The following LHX8 variants were observed in gnomAD, a reference collection of about 807,000 sequenced individuals.
LHX8 encodes the protein LIM homeobox 8.
LHX8 carries 12 observed loss-of-function variants against 40.3 expected under a neutral mutation model. The observed-to-expected ratio is 0.30, with a 90% CI of 0.19 to 0.48. The LOEUF (loss-of-function observed/expected upper bound fraction) is 0.48. Among genes scored for constraint, LHX8 ranks in the 20% least tolerant of loss-of-function variants. The pLI is 0.99. For synonymous variants in LHX8, 179 were observed against 162.0 expected (o/e 1.10, Z -0.80); for missense variants, 344 against 433.7 (o/e 0.79, Z 1.84).
At chr1:75,140,460 G>A (rs1648281069) in intron 3 of LHX8, among the ~76,000 whole-genome samples, 1 of 152,094 alleles carries the variant, frequency 6.6e-6, no homozygotes, top group African/African-American at 2.4e-5. Context: ...AGCAATTTCT[G>A]TCCTGTATAG....
chr1:75,171,522 G>A, the LHX8 span, among the ~76,000 whole-genome samples: 3 of 151,900 alleles, frequency 2.0e-5, no homozygotes, highest in Non-Finnish European at 4.4e-5. Flanking sequence ...CAATATACTC[G>A]GTGTTGCAGG....
At position 75,134,929 on chromosome 1, in the gene LHX8, C is replaced by A; in HGVS notation, c.-38C>A. 1.0e-6 allele frequency: 1 copy of A among 985,352 alleles called. No individual in the cohort carries two copies. The allele number at this position is 985,352 out of a possible 1,614,324, so 61.0% of individuals were successfully genotyped here. On this transcript the variant is annotated 5_prime_UTR_variant, in exon 1 of 9. Coordinates refer to ENST00000356261, the MANE Select transcript of LHX8 (RefSeq NM_001256114.2). ...GACTGTAATTTGGGAGATGAAGCCT[C>A]GAGCCTAAGGCGCTCTCAGGTCCAT...
At chr1:75,172,937 C>T in the LHX8 span, among the ~76,000 whole-genome samples, 3 of 152,140 alleles carry the variant, frequency 2.0e-5, no homozygotes, top group African/African-American at 7.2e-5. Context: ...CATGACACTA[C>T]CTGCTTGTAC....
upstream of LHX8, chr1:75,131,075 C>A: frequency 2.5e-6 from 1 of 405,106 alleles, no homozygotes. Context: ...CTCGGGTCCG[C>A]AAGAGCAGGG....
intron 7 of LHX8, 62 bp downstream of exon 7, chr1:75,148,744 T>A (rs1323907170): frequency 8.7e-7 from 1 of 1,152,386 alleles, no homozygotes; most frequent in African/African-American, 1.6e-5. Flanking sequence ...GGTCTCCCTA[T>A]GTTGCCCAGA....
chr1:75,195,272 A>C, the LHX8 span, among the ~76,000 whole-genome samples: 1 of 152,118 alleles, frequency 6.6e-6, no homozygotes. Context: ...CTGAAAGGTG[A>C]AGTAACTTTC....
At chr1:75,148,750 CCAGA>C in intron 7 of LHX8, 68 bp downstream of exon 7, 1 of 1,075,254 alleles carries the variant, frequency 9.3e-7, no homozygotes, top group South Asian at 1.3e-5. Context: ...CCTATGTTGC[CCAGA>C]CTGATCTTGA....
chr1:75,140,987 G>A lies in LHX8; in HGVS notation c.240G>A (p.Val80=). Residue 80 remains valine, a splice_region_variant and synonymous_variant, in exon 4 of 9, where the codon GTG becomes GTA. Coordinates refer to ENST00000356261, the MANE Select transcript of LHX8 (RefSeq NM_001256114.2). ...LEIVDKYLLK[V]NDLCWHVRCL... is the part of the protein sequence containing the mutation. The stretch of plus-strand genomic sequence containing the variant: ...AATGGCTTCTCTTCCCTTCACAGGT[G>A]AATGACCTATGCTGGCATGTCCGGT... The A allele has an allele frequency of 6.2e-7, 1 of 1,613,524 alleles. No individual in the cohort carries two copies. The highest frequency in any genetic ancestry group is 1.7e-4 in the Middle Eastern group (1 of 6,058).
intron 6 of LHX8, among the ~76,000 whole-genome samples, chr1:75,145,258 G>T (rs1242802087): frequency 6.6e-6 from 1 of 152,072 alleles, no homozygotes; most frequent in Non-Finnish European, 1.5e-5. Context: ...ACTTCTGAAA[G>T]ACCTGGAAAA....
At chr1:75,193,127 C>A in the LHX8 span, among the ~76,000 whole-genome samples, 1 of 152,226 alleles carries the variant, frequency 6.6e-6, no homozygotes, top group East Asian at 1.9e-4. Context: ...CAGGCTCCTT[C>A]ATCTCTCTAT....
intron 7 of LHX8, among the ~76,000 whole-genome samples, chr1:75,152,380 A>G (rs1648634853): frequency 6.6e-6 from 1 of 152,206 alleles, no homozygotes; most frequent in Admixed American, 6.5e-5. Context: ...CTGCATCCAG[A>G]TACAATCACT....
In LHX8 at chr1:75,161,057, C is replaced by T. The variant is rs976323251; in HGVS notation, c.*162C>T. The T allele has an allele frequency of 6.6e-6, 4 of 605,920 alleles. No homozygotes were observed. Among genetic ancestry groups the T allele is most frequent in the South Asian group, 6.0e-5 (3 of 50,154 alleles). 37.5% of individuals were successfully genotyped at this position (605,920 alleles called of 1,614,324 possible). On this transcript the variant is annotated 3_prime_UTR_variant, in exon 9 of 9. Coordinates refer to ENST00000356261, the MANE Select transcript of LHX8 (RefSeq NM_001256114.2). The stretch of plus-strand genomic sequence containing the variant: ...ATGTATCTATAGTTGGCCTGCAAGA[C>T]ACTTTTATTAATTCTTCATTTTTTG...
rs979528660 is a variant in LHX8 at position 75,136,566 on chromosome 1, C to G, written c.-12-37C>G. 23 of 1,445,126 alleles carry G rather than the reference C, an allele frequency of 1.6e-5. No individual in the cohort carries two copies. The African/African-American group carries it at 3.1e-4, about 19-fold the overall frequency. 89.5% of individuals were successfully genotyped at this position (1,445,126 alleles called of 1,614,324 possible). On this transcript the variant is annotated intron_variant, in intron 1 of 8. Coordinates refer to ENST00000356261, the MANE Select transcript of LHX8 (RefSeq NM_001256114.2). ...GGGCAGCACGCTCGGAACTTCTGAT[C>G]TGTTTCTCCATACTTTCTCCCCCTC...
At chr1:75,141,674 T>G (rs989309326) in intron 4 of LHX8, among the ~76,000 whole-genome samples, 19 of 152,278 alleles carry the variant, frequency 1.2e-4, no homozygotes, top group Non-Finnish European at 2.4e-4. Context: ...TTTCTGAAAT[T>G]AGATGAGATA....
chr1:75,193,498 T>C, the LHX8 span, among the ~76,000 whole-genome samples: 1 of 152,206 alleles, frequency 6.6e-6, no homozygotes, highest in Non-Finnish European at 1.5e-5. Flanking sequence ...TGGTCCCCTA[T>C]CACACGTTGA....
intron 7 of LHX8, 81 bp from the exon 8 acceptor site, chr1:75,156,812 T>A (rs997841973): frequency 2.5e-5 from 33 of 1,298,122 alleles, no homozygotes; most frequent in African/African-American, 5.8e-5. Flanking sequence ...TGAGGTTGCA[T>A]TCATTTTTTA....
intron 4 of LHX8, among the ~76,000 whole-genome samples, chr1:75,142,748 A>G (rs768880543): frequency 4.9e-4 from 74 of 152,260 alleles, no homozygotes; most frequent in Non-Finnish European, 4.6e-4. Context: ...ATACTTTTGC[A>G]CTTTTAGATT....
the LHX8 span, among the ~76,000 whole-genome samples, chr1:75,171,623 C>G: frequency 6.6e-6 from 1 of 151,328 alleles, no homozygotes; most frequent in East Asian, 1.9e-4. Flanking sequence ...CTCTGTGCCT[C>G]GAGAGAAGAT....
chr1:75,148,545 C>T (rs1462029897), intron 6 of LHX8, 42 bp from the exon 7 acceptor site: 1 of 1,354,624 alleles, frequency 7.4e-7, no homozygotes, highest in South Asian at 1.2e-5. Context: ...GACTGAGCTG[C>T]TTGTTTTTAG....
Sources: gnomAD v4.1 joint callset for allele counts (sites outside exome capture counted in the v4.1 genomes callset) on GRCh38, gnomAD v4.1.1 for gene constraint, MANE v1.5 for transcripts, NCBI Gene and HGNC (gene_info 2026-07-23, HGNC 2026-07-21) for gene names.